The following SGMS2 variants were observed in gnomAD, a reference collection of about 807,000 sequenced individuals.
SGMS2 encodes the protein phosphatidylcholine:ceramide cholinephosphotransferase 2.
SGMS2 carries 21 observed loss-of-function variants against 43.8 expected under a neutral mutation model. The ratio of observed to expected loss-of-function variants is 0.48; its 90% CI spans 0.34 to 0.69. SGMS2 has a LOEUF of 0.69. SGMS2 is among the 30% of genes least tolerant of loss of function. The probability of loss-of-function intolerance (pLI) is 0.01; values close to 1 mark genes in which losing one functional copy is unlikely to be tolerated. For missense variants in SGMS2, 384 were observed against 443.2 expected (o/e 0.87, Z 1.20); for synonymous variants, 167 against 160.6 (o/e 1.04, Z -0.30).
chr4:107,891,036 G>A (rs1166372533), intron 2 of SGMS2, among the ~76,000 whole-genome samples: 1 of 152,076 alleles, frequency 6.6e-6, no homozygotes. Flanking sequence ...TAGCAAAAAG[G>A]TGGCTTTGTT....
chr4:107,903,286 T>C lies in SGMS2; in HGVS notation c.627T>C (p.Gly209=). ...AACGGATTCTACGATTGATTTCTGG[T>C]GGTGGATTGTCCATAACTGGATCAC... ...KVQRILRLIS[G]GGLSITGSHI... is the part of the protein sequence containing the mutation. The change falls in exon 5 of 7, where the codon GGT becomes GGC. Residue 209 remains glycine (G), a synonymous_variant. Transcript: ENST00000690982. 1 of 1,614,046 alleles carries C rather than the reference T, an allele frequency of 6.2e-7. No individual in the cohort carries two copies. Among genetic ancestry groups the C allele is most frequent in the Admixed American group, 1.7e-5 (1 of 60,012 alleles).
intron 2 of SGMS2, among the ~76,000 whole-genome samples, chr4:107,868,494 A>C (rs899773671): frequency 6.6e-6 from 1 of 152,290 alleles, no homozygotes; most frequent in Non-Finnish European, 1.5e-5. Flanking sequence ...AGGCGGGTGG[A>C]TCACCTGAGG....
rs1437702393 is a variant in SGMS2 at position 107,895,586 on chromosome 4, A to G, written c.33A>G (p.Glu11=). The stretch of plus-strand genomic sequence containing the variant: ...TCATAGAGACAGCAAAACTTGAAGA[A>G]CATTTGGAAAATCAACCCAGTGATC... MDIIETAKLE[E]HLENQPSDPT... Residue 11 remains glutamate, a synonymous_variant, in exon 3 of 7, where the codon GAA becomes GAG. Transcript: ENST00000690982. 1 of 1,613,886 alleles carries G rather than the reference A, an allele frequency of 6.2e-7. No homozygotes were observed. The highest frequency in any genetic ancestry group is 2.2e-5 in the East Asian group (1 of 44,866).
At chr4:107,833,199 C>G (rs1275586787) in intron 1 of SGMS2, among the ~76,000 whole-genome samples, 5 of 152,192 alleles carry the variant, frequency 3.3e-5, no homozygotes, top group Non-Finnish European at 7.3e-5. Flanking sequence ...CAATCTCAGG[C>G]CTCCTGTCCT....
intron 1 of SGMS2, among the ~76,000 whole-genome samples, chr4:107,847,544 G>A (rs112227624): frequency 0.04 from 6,114 of 151,988 alleles, 413 homozygotes; most frequent in African/African-American, 0.14. Flanking sequence ...AAGTCAGGTA[G>A]TGTGATGCCT....
intron 1 of SGMS2, among the ~76,000 whole-genome samples, chr4:107,825,561 A>T (rs1429477627): frequency 6.6e-6 from 1 of 150,626 alleles, no homozygotes; most frequent in East Asian, 2.0e-4. Context: ...GCTGAAGTTC[A>T]GTTGGTGGAG....
chr4:107,852,690 T>C (rs1048313450), intron 1 of SGMS2, among the ~76,000 whole-genome samples: 3 of 152,138 alleles, frequency 2.0e-5, no homozygotes, highest in African/African-American at 7.2e-5. Context: ...TATTCCATTG[T>C]ACCTACCCAC....
rs1048292658 is a variant in SGMS2, at chr4:107,912,058, GAAAACATCC to G, written c.*1506_*1514del. Reference sequence around the variant, plus strand: ...TGAAATTTTTCTTTCATTTAGAATGGAAAACATCCCCAAATGTATCATTATAAACTAGTC... The same window carrying G: ...TGAAATTTTTCTTTCATTTAGAATGGCCAAATGTATCATTATAAACTAGTC... On this transcript the variant is annotated 3_prime_UTR_variant, in exon 7 of 7. Transcript: ENST00000690982. 3 of 152,092 alleles carry G rather than the reference GAAAACATCC, an allele frequency of 2.0e-5. No homozygotes were observed. Among genetic ancestry groups the G allele is most frequent in the Non-Finnish European group, 4.4e-5 (3 of 68,004 alleles). 9.4% of individuals were successfully genotyped at this position (152,092 alleles called of 1,614,324 possible). A position where few individuals can be genotyped will look rare whatever the true frequency, so the allele number is the denominator to read the frequency against.
At chr4:107,862,205 T>C (rs1727773571) in intron 2 of SGMS2, among the ~76,000 whole-genome samples, 1 of 152,222 alleles carries the variant, frequency 6.6e-6, no homozygotes, top group Admixed American at 6.5e-5. Context: ...AGAATGTATA[T>C]GGAATGCAAG....
At chr4:107,893,128 T>G (rs1730370505) in intron 2 of SGMS2, 1 of 152,122 alleles carries the variant, frequency 6.6e-6, no homozygotes, top group African/African-American at 2.4e-5. Flanking sequence ...GTCATTCTCA[T>G]AGCAGTCCCA....
intron 2 of SGMS2, among the ~76,000 whole-genome samples, chr4:107,887,310 C>T (rs567556572): frequency 2.6e-5 from 4 of 152,194 alleles, no homozygotes; most frequent in South Asian, 2.1e-4. Flanking sequence ...GATGACAAAA[C>T]GTTTTAGGGC....
In SGMS2 at chr4:107,914,105, A is replaced by G. The variant is rs1478839250; in HGVS notation, c.*3552A>G. On this transcript the variant is annotated 3_prime_UTR_variant, in exon 7 of 7. Transcript: ENST00000690982. ...ATAAAGATTTTTAGTATTTGTTTTTAGTGTCCTTGTGTTGCAATAATTTAA... is the reference window on the plus strand; with the variant it reads ...ATAAAGATTTTTAGTATTTGTTTTTGGTGTCCTTGTGTTGCAATAATTTAA... The G allele has an allele frequency of 2.0e-5, 3 of 152,094 alleles. No individual in the cohort carries two copies. The allele number at this position is 152,094 out of a possible 1,614,324, so 9.4% of individuals were successfully genotyped here. A position where few individuals can be genotyped will look rare whatever the true frequency, so the allele number is the denominator to read the frequency against.
chr4:107,914,369 C>T lies in SGMS2; in HGVS notation c.*3816C>T, dbSNP rs1053720015. ...TGTCCTTTAAAAGAAAAAGAGGAAACGATGAACAAAAACTAATCTAATTGC... is the reference window on the plus strand; with the variant it reads ...TGTCCTTTAAAAGAAAAAGAGGAAATGATGAACAAAAACTAATCTAATTGC... On this transcript the variant is annotated 3_prime_UTR_variant, in exon 7 of 7. Transcript: ENST00000690982. 4 of 152,088 alleles carry T rather than the reference C, an allele frequency of 2.6e-5. No individual in the cohort carries two copies. The highest frequency in any genetic ancestry group is 9.6e-5 in the African/African-American group (4 of 41,522). The allele number at this position is 152,088 out of a possible 1,614,324, so 9.4% of individuals were successfully genotyped here.
chr4:107,872,253 T>TAAATTGAGTGTTATCTCATAACACTC (rs1728601706), intron 2 of SGMS2, among the ~76,000 whole-genome samples: 5 of 152,174 alleles, frequency 3.3e-5, no homozygotes, highest in Admixed American at 2.6e-4. Context: ...TTTAAAATTT[T>TAAATTGAGTGTTATCTCATAACACTC]AAATTGAGTG....
intron 1 of SGMS2, among the ~76,000 whole-genome samples, chr4:107,830,557 TTAA>T (rs1725835463): frequency 6.6e-6 from 1 of 152,210 alleles, no homozygotes. Context: ...TTTTGACTTT[TTAA>T]TAATAGCCAT....
At chr4:107,904,126 G>A (rs764070278) in intron 5 of SGMS2, among the ~76,000 whole-genome samples, 7 of 151,960 alleles carry the variant, frequency 4.6e-5, no homozygotes, top group East Asian at 3.9e-4. Flanking sequence ...TATATATTTC[G>A]GAGGATTTGT....
intron 1 of SGMS2, among the ~76,000 whole-genome samples, chr4:107,847,052 AT>A (rs1726869370): frequency 6.6e-6 from 1 of 151,732 alleles, no homozygotes; most frequent in African/African-American, 2.4e-5. Context: ...ATTTTCTCCC[AT>A]TTTGTAGGTT....
At chr4:107,881,404 G>A (rs982774182) in intron 2 of SGMS2, among the ~76,000 whole-genome samples, 1 of 152,000 alleles carries the variant, frequency 6.6e-6, no homozygotes, top group Admixed American at 6.6e-5. Context: ...GTTAAATCTA[G>A]GCTCTGCTAC....
chr4:107,873,714 A>G (rs1303164427), intron 2 of SGMS2, among the ~76,000 whole-genome samples: 1 of 152,162 alleles, frequency 6.6e-6, no homozygotes, highest in Non-Finnish European at 1.5e-5. Context: ...TACTGTTGCC[A>G]CAGTCGAAAT....
Sources: gnomAD v4.1 joint callset for allele counts (sites outside exome capture counted in the v4.1 genomes callset) on GRCh38, gnomAD v4.1.1 for gene constraint, MANE v1.5 for transcripts, NCBI Gene and HGNC (gene_info 2026-07-23, HGNC 2026-07-21) for gene names.